The following ARHGAP39 variants were observed in gnomAD, a reference collection of about 807,000 sequenced individuals.
The protein encoded by ARHGAP39 is Rho GTPase activating protein 39.
ARHGAP39 carries 44 observed loss-of-function variants against 106.9 expected under a neutral mutation model. The ratio of observed to expected loss-of-function variants is 0.41; its 90% CI spans 0.32 to 0.53. The LOEUF (loss-of-function observed/expected upper bound fraction) is 0.53, where lower values mean the gene tolerates loss of function less well. ARHGAP39 is among the 20% of genes least tolerant of loss of function. The probability of loss-of-function intolerance (pLI) is 0.21; values close to 1 mark genes in which losing one functional copy is unlikely to be tolerated. For synonymous variants in ARHGAP39, 768 were observed against 693.2 expected, an observed-to-expected ratio of 1.11 and a Z score of -1.69; for missense variants, 1,496 against 1,577.3, an observed-to-expected ratio of 0.95 and a Z score of 0.87.
At chr8:144,550,901 T>A (rs1247014046) in intron 4 of ARHGAP39, among the ~76,000 whole-genome samples, 4 of 152,218 alleles carry the variant, frequency 2.6e-5, no homozygotes, top group Non-Finnish European at 4.4e-5. Flanking sequence ...CTCCAGTCTG[T>A]TGCTCTGTGG....
chr8:144,545,555 C>A lies in ARHGAP39; in HGVS notation c.2215G>T (p.Val739Leu). Residue 739 changes from valine to leucine, a missense_variant, in exon 6 of 12, where the codon GTG (valine) becomes TTG (leucine). Val to Leu is a conservative substitution (Grantham distance 32, BLOSUM62 1). Around this residue, in one of 4 missense-constraint regions of ARHGAP39, gnomAD observed 470 missense variants for 605.1 expected, o/e 0.78. Coordinates refer to ENST00000377307, the MANE Select transcript of ARHGAP39 (RefSeq NM_025251.3). The stretch of plus-strand genomic sequence containing the variant: ...AAGAGCTCGCAGGCCTCCTTCTTCA[C>A]GTGCCGGTCGCTTGTCACGATCATG... ...KPMIVTSDRHVKKEACELFKL... is the reference protein window; with the variant it reads ...KPMIVTSDRHLKKEACELFKL... The A allele has an allele frequency of 6.2e-7, 1 of 1,613,748 alleles. No individual in the cohort carries two copies. The highest frequency in any genetic ancestry group is 1.6e-4 in the Middle Eastern group (1 of 6,062).
In ARHGAP39 at chr8:144,561,145, C is replaced by T. The variant is rs117069218; in HGVS notation, c.513-5502G>A. ...CCCAGTGGTTTCCATTGCACCCCAGCGGTTTCCATCACACCCCAGTGGTTT... is the reference window on the plus strand; with the variant it reads ...CCCAGTGGTTTCCATTGCACCCCAGTGGTTTCCATCACACCCCAGTGGTTT... On this transcript the variant is annotated intron_variant, in intron 3 of 11. Coordinates refer to ENST00000377307, the MANE Select transcript of ARHGAP39 (RefSeq NM_025251.3). 3.1e-3 allele frequency among the ~76,000 whole-genome samples: 467 copies of T among 152,090 alleles called. 2 individuals carry two copies. The highest frequency in any genetic ancestry group is 5.2e-3 in the African/African-American group (217 of 41,504).
upstream of ARHGAP39, among the ~76,000 whole-genome samples, chr8:144,689,597 C>T (rs573074833): frequency 2.0e-5 from 3 of 150,590 alleles, no homozygotes; most frequent in East Asian, 2.0e-4. Context: ...CCACCACACC[C>T]GGCTAATTTT....
intron 1 of ARHGAP39, among the ~76,000 whole-genome samples, chr8:144,661,653 T>G (rs767562935): frequency 3.3e-5 from 5 of 152,060 alleles, no homozygotes; most frequent in Non-Finnish European, 5.9e-5. Flanking sequence ...CCCACAATAC[T>G]GAGACTATAG....
intron 3 of ARHGAP39, among the ~76,000 whole-genome samples, chr8:144,578,946 T>C (rs111966287): frequency 0.089 from 13,558 of 151,772 alleles, 1,388 homozygotes; most frequent in African/African-American, 0.25. Context: ...TGGTGGCTCA[T>C]GCCTGTAATC....
the ARHGAP39 span, among the ~76,000 whole-genome samples, chr8:144,699,685 CG>C: frequency 2.7e-5 from 4 of 146,242 alleles, no homozygotes; most frequent in African/African-American, 1.0e-4. Flanking sequence ...GCGGACCATG[CG>C]GGGCTGGGTG....
intron 1 of ARHGAP39, among the ~76,000 whole-genome samples, chr8:144,667,805 G>C (rs1160451542): frequency 6.6e-6 from 1 of 152,182 alleles, no homozygotes; most frequent in Admixed American, 6.5e-5. Context: ...GCATTGTTCT[G>C]AGGTATAAAT....
intron 1 of ARHGAP39, among the ~76,000 whole-genome samples, chr8:144,656,408 T>C (rs1821698491): frequency 6.6e-6 from 1 of 152,156 alleles, no homozygotes; most frequent in South Asian, 2.1e-4. Context: ...ATCAAGATTA[T>C]GTAACAATCC....
chr8:144,550,992 G>A (rs186037858), intron 4 of ARHGAP39, among the ~76,000 whole-genome samples: 1 of 152,342 alleles, frequency 6.6e-6, no homozygotes, highest in African/African-American at 2.4e-5. Context: ...AAAACAACGT[G>A]CATGTAGTAA....
At chr8:144,556,918 C>A (rs1028932116) in intron 3 of ARHGAP39, among the ~76,000 whole-genome samples, 1 of 135,970 alleles carries the variant, frequency 7.4e-6, no homozygotes, top group African/African-American at 3.4e-5. Flanking sequence ...AAAGGCTGAA[C>A]CTTCATAGTA....
intron 1 of ARHGAP39, among the ~76,000 whole-genome samples, chr8:144,678,614 C>A (rs1822305099): frequency 6.6e-6 from 1 of 152,154 alleles, no homozygotes; most frequent in Non-Finnish European, 1.5e-5. Flanking sequence ...CACTGGGGAG[C>A]CAGGGAGGAG....
At chr8:144,631,599 G>A (rs2130979060) in intron 1 of ARHGAP39, among the ~76,000 whole-genome samples, 1 of 152,322 alleles carries the variant, frequency 6.6e-6, no homozygotes. Context: ...TTGGAAGCTT[G>A]ACTCTGAACC....
chr8:144,654,155 C>A (rs1377590619), intron 1 of ARHGAP39, among the ~76,000 whole-genome samples: 1 of 152,124 alleles, frequency 6.6e-6, no homozygotes, highest in African/African-American at 2.4e-5. Flanking sequence ...GAACCCTTTA[C>A]CCAAAATAAA....
At chr8:144,649,653 C>G (rs1210568268) in intron 1 of ARHGAP39, among the ~76,000 whole-genome samples, 1 of 152,006 alleles carries the variant, frequency 6.6e-6, no homozygotes, top group African/African-American at 2.4e-5. Flanking sequence ...GCCTGTAATT[C>G]TAGCTACTCG....
rs1817581355 is a variant in ARHGAP39 at position 144,548,691 on chromosome 8, C to T, written c.597-202G>A. Among the ~76,000 whole-genome samples, 1 of 152,192 alleles carries T rather than the reference C, an allele frequency of 6.6e-6. No individual in the cohort carries two copies. The highest frequency in any genetic ancestry group is 1.5e-5 in the Non-Finnish European group (1 of 68,016). ...CCCTCTGGGGCTCTCCTGGAGCTGC[C>T]GCCCACGACCAGGTGTCTGTCTGCT... is the stretch of plus-strand genomic sequence containing the variant. On this transcript the variant is annotated intron_variant, in intron 4 of 11. Transcript: ENST00000377307. This position sits in a 1 kb window ranked among gnomAD's most constrained non-coding sequence, Gnocchi z 7.4.
At chr8:144,554,748 C>T (rs1817851271) in intron 4 of ARHGAP39, among the ~76,000 whole-genome samples, 1 of 152,222 alleles carries the variant, frequency 6.6e-6, no homozygotes. Context: ...TATCAAACAG[C>T]CACACTGCTG....
Position 144,585,696 on chromosome 8 carries a change from G to A in ARHGAP39, c.81-4419C>T, listed in dbSNP as rs1003430780. On this transcript the variant is annotated intron_variant, in intron 2 of 11. Coordinates refer to ENST00000377307, the MANE Select transcript of ARHGAP39 (RefSeq NM_025251.3). The surrounding 1 kb of genome is among the most constrained non-coding windows in gnomAD (Gnocchi z 4.6). ...GGACCTCCCGCCCATGGTGCCACGC[G>A]CTGCAGCCTGGGCCTCCCGAGGATG... is the stretch of plus-strand genomic sequence containing the variant. Among the ~76,000 whole-genome samples, 3 of 152,194 alleles carry A rather than the reference G, an allele frequency of 2.0e-5. No homozygotes were observed. Among genetic ancestry groups the A allele is most frequent in the Non-Finnish European group, 4.4e-5 (3 of 68,032 alleles).
At chr8:144,563,087 T>C (rs1162646771) in intron 3 of ARHGAP39, among the ~76,000 whole-genome samples, 1 of 152,274 alleles carries the variant, frequency 6.6e-6, no homozygotes, top group Non-Finnish European at 1.5e-5. Context: ...AAGTGGAATC[T>C]ACTAAGATGA....
At chr8:144,545,884 C>A in intron 5 of ARHGAP39, 74 bp from the exon 6 acceptor site, 1 of 1,341,666 alleles carries the variant, frequency 7.5e-7, no homozygotes, top group Non-Finnish European at 9.9e-7. Context: ...GGGCCACAGT[C>A]CCCAGAAGTG....
Sources: allele counts gnomAD v4.1 joint callset (sites outside exome capture counted in the v4.1 genomes callset), GRCh38; gene constraint gnomAD v4.1.1; regional missense constraint gnomAD v4.1.1; non-coding constraint Gnocchi (gnomAD v3.1); transcripts MANE v1.5; gene names NCBI Gene and HGNC (gene_info 2026-07-23, HGNC 2026-07-21).